The following MACROD2 variants were observed in gnomAD, a reference collection of about 807,000 sequenced individuals.
MACROD2 encodes mono-ADP ribosylhydrolase 2, also known as ADP-ribose glycohydrolase MACROD2.
Under a neutral mutation model 70.4 loss-of-function variants are expected in MACROD2, and 36 were observed. That is an observed-to-expected ratio of 0.51 (90% CI 0.39 to 0.68). MACROD2 has a LOEUF of 0.68. Among genes scored for constraint, MACROD2 ranks in the 30% least tolerant of loss-of-function variants. The pLI is 0.00. For synonymous variants in MACROD2, 172 were observed against 178.8 expected, an observed-to-expected ratio of 0.96 and a Z score of 0.30; for missense variants, 496 against 538.4, an observed-to-expected ratio of 0.92 and a Z score of 0.78.
At chr20:14,129,395 A>G (rs1256090523) in intron 3 of MACROD2, among the ~76,000 whole-genome samples, 1 of 152,256 alleles carries the variant, frequency 6.6e-6, no homozygotes, top group Non-Finnish European at 1.5e-5. Flanking sequence ...CAATCTTGCA[A>G]TAAAACTTGA....
chr20:15,667,308 GT>G (rs1285864149), intron 8 of MACROD2, among the ~76,000 whole-genome samples: 3 of 152,142 alleles, frequency 2.0e-5, no homozygotes, highest in African/African-American at 7.2e-5. Flanking sequence ...TCCGCTGTGA[GT>G]AAAATCTCCC....
intron 5 of MACROD2, among the ~76,000 whole-genome samples, chr20:15,099,172 GTTATA>G (rs1177210102): frequency 4.6e-5 from 7 of 152,112 alleles, no homozygotes; most frequent in African/African-American, 1.7e-4. Flanking sequence ...AGGAAAAAAT[GTTATA>G]TTAGTTAACA....
chr20:15,304,942 G>A (rs2077683099), intron 6 of MACROD2, among the ~76,000 whole-genome samples: 1 of 152,050 alleles, frequency 6.6e-6, no homozygotes, highest in Admixed American at 6.6e-5. Flanking sequence ...AAAATCCTTT[G>A]TCTGAGTGCT....
chr20:14,940,010 T>C (rs1183196972), intron 5 of MACROD2, among the ~76,000 whole-genome samples: 1 of 151,926 alleles, frequency 6.6e-6, no homozygotes, highest in Non-Finnish European at 1.5e-5. Flanking sequence ...GGTAGAATCT[T>C]AAGGTTTTCC....
chr20:15,244,231 A>G (rs999155323), intron 6 of MACROD2, among the ~76,000 whole-genome samples: 3 of 152,306 alleles, frequency 2.0e-5, no homozygotes, highest in South Asian at 2.1e-4. Context: ...GGCTATTTAC[A>G]TGGCAGAAAC....
At chr20:14,058,073 G>T (rs2053650786) in intron 2 of MACROD2, among the ~76,000 whole-genome samples, 1 of 152,190 alleles carries the variant, frequency 6.6e-6, no homozygotes, top group African/African-American at 2.4e-5. Context: ...TAGGGATTGG[G>T]AAGTGGTATT....
intron 6 of MACROD2, among the ~76,000 whole-genome samples, chr20:15,291,464 T>C (rs1226975895): frequency 6.6e-6 from 1 of 152,194 alleles, no homozygotes; most frequent in East Asian, 1.9e-4. Flanking sequence ...GTATTTTAAA[T>C]TGAAAAGAAG....
At chr20:14,845,079 C>G (rs1354361502) in intron 5 of MACROD2, among the ~76,000 whole-genome samples, 1 of 152,068 alleles carries the variant, frequency 6.6e-6, no homozygotes, top group African/African-American at 2.4e-5. Flanking sequence ...CTACTAACCA[C>G]CCCCAGCAAA....
At chr20:15,177,527 C>A (rs1041999693) in intron 5 of MACROD2, among the ~76,000 whole-genome samples, 8 of 143,738 alleles carry the variant, frequency 5.6e-5, no homozygotes, top group Admixed American at 1.4e-4. Context: ...TCATTCATCG[C>A]CATTGAATCT....
At chr20:14,008,601 A>G (rs1322206485) in intron 2 of MACROD2, among the ~76,000 whole-genome samples, 1 of 152,238 alleles carries the variant, frequency 6.6e-6, no homozygotes, top group Non-Finnish European at 1.5e-5. Context: ...CATTCTTCAC[A>G]GAATTAGAAA....
chr20:14,439,917 A>G (rs2084102797), intron 3 of MACROD2, among the ~76,000 whole-genome samples: 1 of 152,172 alleles, frequency 6.6e-6, no homozygotes, highest in Non-Finnish European at 1.5e-5. Flanking sequence ...AAGCAGTAAA[A>G]GAAAGCCCAT....
At chr20:14,148,226 G>C (rs1281353835) in intron 3 of MACROD2, among the ~76,000 whole-genome samples, 1 of 152,186 alleles carries the variant, frequency 6.6e-6, no homozygotes, top group Non-Finnish European at 1.5e-5. Context: ...TGTGTGGTCT[G>C]TAGATAGCAG....
chr20:15,114,074 C>T (rs2075975446), intron 5 of MACROD2, among the ~76,000 whole-genome samples: 2 of 152,168 alleles, frequency 1.3e-5, no homozygotes, highest in Admixed American at 1.3e-4. Context: ...AAGGATTCAT[C>T]AAATTGTGAC....
At chr20:14,928,770 A>G (rs2074264083) in intron 5 of MACROD2, among the ~76,000 whole-genome samples, 1 of 152,212 alleles carries the variant, frequency 6.6e-6, no homozygotes. Flanking sequence ...TTCCCAACCC[A>G]CATCTTCTCA....
chr20:14,940,283 G>A (rs1025377209), intron 5 of MACROD2, among the ~76,000 whole-genome samples: 3 of 152,086 alleles, frequency 2.0e-5, no homozygotes, highest in Non-Finnish European at 4.4e-5. Context: ...GCAGCGAGAG[G>A]TGATCGCACC....
At chr20:15,192,057 T>A (rs866236086) in intron 5 of MACROD2, among the ~76,000 whole-genome samples, 1 of 138,924 alleles carries the variant, frequency 7.2e-6, no homozygotes, top group Non-Finnish European at 1.6e-5. Flanking sequence ...TATCTATCTA[T>A]CTATCTAAAA....
intron 8 of MACROD2, among the ~76,000 whole-genome samples, chr20:15,539,114 C>G (rs1600556803): frequency 6.6e-6 from 1 of 152,036 alleles, no homozygotes; most frequent in African/African-American, 2.4e-5. Context: ...TTGCACTTGT[C>G]CCTTTCAGGC....
At chr20:14,957,194 C>A (rs900416343) in intron 5 of MACROD2, among the ~76,000 whole-genome samples, 3 of 151,698 alleles carry the variant, frequency 2.0e-5, no homozygotes, top group African/African-American at 7.3e-5. Context: ...CTTTTAAATA[C>A]CTCACATTTT....
Position 15,854,132 on chromosome 20 carries a change from A to G in MACROD2, c.646-8613A>G, listed in dbSNP as rs919121988. Among the ~76,000 whole-genome samples, 5 of 152,174 alleles carry G rather than the reference A, an allele frequency of 3.3e-5. 1 individual carries two copies. The South Asian group carries it at 8.3e-4, about 25-fold the overall frequency. On this transcript the variant is annotated intron_variant, in intron 8 of 17. Coordinates refer to ENST00000684519, the MANE Select transcript of MACROD2 (RefSeq NM_001351661.2). The stretch of plus-strand genomic sequence containing the variant: ...ATATGATGGGGTAGTCACTCTGTTG[A>G]TTAGGAAAAGAGATTTCCACAGAGG...
Sources: allele counts gnomAD v4.1 joint callset (sites outside exome capture counted in the v4.1 genomes callset), GRCh38; gene constraint gnomAD v4.1.1; transcripts MANE v1.5; gene names NCBI Gene and HGNC (gene_info 2026-07-23, HGNC 2026-07-21).